TPD52L1: variants seen among roughly 807,000 people sequenced by gnomAD.
TPD52L1 encodes TPD52 like 1.
In TPD52L1, 18 loss-of-function variants were observed where a neutral mutation model predicts 28.7. The ratio of observed to expected loss-of-function variants is 0.63; its 90% CI spans 0.43 to 0.93. TPD52L1 has a LOEUF of 0.93. Among genes scored for constraint, TPD52L1 ranks in the 40% least tolerant of loss-of-function variants. TPD52L1 has a pLI of 0.00. For synonymous variants in TPD52L1, 75 were observed against 88.8 expected, an observed-to-expected ratio of 0.84 and a Z score of 0.88; for missense variants, 203 against 254.8, an observed-to-expected ratio of 0.80 and a Z score of 1.39.
intron 1 of TPD52L1, among the ~76,000 whole-genome samples, chr6:125,191,564 G>C (rs530801897): frequency 6.6e-6 from 1 of 152,328 alleles, no homozygotes; most frequent in South Asian, 2.1e-4. Context: ...CAGCATTGTA[G>C]ATGTGCAAGA....
At chr6:125,245,355 T>C (rs1208326207) in intron 3 of TPD52L1, among the ~76,000 whole-genome samples, 1 of 151,910 alleles carries the variant, frequency 6.6e-6, no homozygotes, top group Non-Finnish European at 1.5e-5. Flanking sequence ...AGCCAGGAGG[T>C]GGTGTTTTCA....
chr6:125,163,432 G>A lies in TPD52L1; in HGVS notation c.19+9462G>A, dbSNP rs193216809. ...CCCTGCTTCTACAAAAAATAAAGAA[G>A]TAAATTGGGCATGGTGATGCATGCA... On this transcript the variant is annotated intron_variant, in intron 1 of 6. Coordinates refer to ENST00000534000, the MANE Select transcript of TPD52L1 (RefSeq NM_003287.4). 1.9e-3 allele frequency among the ~76,000 whole-genome samples: 291 copies of A among 151,674 alleles called. 1 individual carries two copies. Among genetic ancestry groups the A allele is most frequent in the Non-Finnish European group, 3.6e-3 (242 of 67,874 alleles).
chr6:125,214,265 G>T (rs1260712793), intron 1 of TPD52L1, among the ~76,000 whole-genome samples: 1 of 152,134 alleles, frequency 6.6e-6, no homozygotes, highest in Non-Finnish European at 1.5e-5. Context: ...GGTAGAGGAG[G>T]GTAGAGAGTG....
At chr6:125,233,980 C>A (rs946627014) in intron 3 of TPD52L1, among the ~76,000 whole-genome samples, 7 of 152,138 alleles carry the variant, frequency 4.6e-5, no homozygotes, top group African/African-American at 1.4e-4. Flanking sequence ...CCTGTCCTTG[C>A]CAATAAATGC....
At chr6:125,162,714 G>C (rs146878178) in intron 1 of TPD52L1, among the ~76,000 whole-genome samples, 118 of 152,288 alleles carry the variant, frequency 7.7e-4, no homozygotes, top group African/African-American at 2.8e-3. Context: ...GCAAAGTGAA[G>C]ATAGTAATAG....
chr6:125,198,846 A>G (rs993193240), intron 1 of TPD52L1, among the ~76,000 whole-genome samples: 31 of 152,200 alleles, frequency 2.0e-4, no homozygotes, highest in African/African-American at 7.2e-4. Flanking sequence ...TAGTTGGCAG[A>G]GGCCAGATAT....
At chr6:125,171,767 G>C (rs907671666) in intron 1 of TPD52L1, among the ~76,000 whole-genome samples, 2 of 152,158 alleles carry the variant, frequency 1.3e-5, no homozygotes, top group African/African-American at 4.8e-5. Flanking sequence ...ATGAGACCCT[G>C]GGCAGAGGAC....
At chr6:125,206,034 C>T (rs1161728493) in intron 1 of TPD52L1, among the ~76,000 whole-genome samples, 2 of 152,160 alleles carry the variant, frequency 1.3e-5, no homozygotes, top group African/African-American at 2.4e-5. Flanking sequence ...TTAATGTGGT[C>T]GGCTACAACT....
intron 2 of TPD52L1, among the ~76,000 whole-genome samples, chr6:125,222,992 C>G (rs1358592105): frequency 2.0e-5 from 3 of 151,472 alleles, no homozygotes; most frequent in African/African-American, 7.3e-5. Context: ...TGTTTTCTGC[C>G]TGTGTAAATA....
At position 125,229,370 on chromosome 6, in the gene TPD52L1, T is replaced by C. The variant is rs572275035; in HGVS notation, c.284+104T>C. 4.8e-4 allele frequency: 567 copies of C among 1,171,784 alleles called. 3 individuals are homozygous for C. In the African/African-American group the frequency reaches 8.1e-3, roughly 17 times the overall value. 72.6% of individuals were successfully genotyped at this position (1,171,784 alleles called of 1,614,324 possible). ...ACAAGGCTGATTTGGTGCATGAAGC[T>C]AGGAAAAAAAAATACTTTCTCTAAA... On this transcript the variant is annotated intron_variant, in intron 3 of 6. Transcript: ENST00000534000.
chr6:125,178,380 T>C (rs1791949273), intron 1 of TPD52L1, among the ~76,000 whole-genome samples: 1 of 152,032 alleles, frequency 6.6e-6, no homozygotes, highest in East Asian at 1.9e-4. Flanking sequence ...CCCACCACTT[T>C]GGGAGGCTGA....
intron 1 of TPD52L1, chr6:125,208,964 T>C: frequency 2.6e-5 from 26 of 985,230 alleles, no homozygotes; most frequent in Non-Finnish European, 3.1e-5. Context: ...TGCTGAGCTG[T>C]TGAGGCAAGC....
chr6:125,226,886 A>G (rs550095996), intron 2 of TPD52L1, among the ~76,000 whole-genome samples: 2 of 152,206 alleles, frequency 1.3e-5, no homozygotes, highest in Non-Finnish European at 2.9e-5. Context: ...ATGACATGAT[A>G]ACAAAAGAAT....
At chr6:125,254,939 T>C (rs536185921) in intron 5 of TPD52L1, among the ~76,000 whole-genome samples, 4 of 152,358 alleles carry the variant, frequency 2.6e-5, no homozygotes, top group African/African-American at 9.6e-5. Flanking sequence ...ATGTGGTTAA[T>C]TGGTTGATTT....
At chr6:125,225,149 G>A (rs1381467758) in intron 2 of TPD52L1, among the ~76,000 whole-genome samples, 1 of 152,152 alleles carries the variant, frequency 6.6e-6, no homozygotes, top group Non-Finnish European at 1.5e-5. Context: ...TGTTTTTGAG[G>A]TTCATCCATG....
Position 125,229,100 on chromosome 6 carries a change from T to A in TPD52L1, c.136-18T>A, listed in dbSNP as rs764079414. ...CTGGTCTGACATTTTCCCCCACCAT[T>A]TCCCCTCCGCCTTGTAGCTAGAAGA... On this transcript the variant is annotated intron_variant, in intron 2 of 6. Coordinates refer to ENST00000534000, the MANE Select transcript of TPD52L1 (RefSeq NM_003287.4). 2.5e-6 allele frequency: 4 copies of A among 1,607,046 alleles called. No individual in the cohort carries two copies. The highest frequency in any genetic ancestry group is 3.4e-6 in the Non-Finnish European group (4 of 1,177,258).
chr6:125,251,153 ATTGT>A (rs990430353), intron 4 of TPD52L1, among the ~76,000 whole-genome samples: 16 of 152,192 alleles, frequency 1.1e-4, no homozygotes, highest in Admixed American at 4.6e-4. Context: ...GTAAGCTTTG[ATTGT>A]TTGTTCAAAA....
intron 6 of TPD52L1, among the ~76,000 whole-genome samples, chr6:125,258,364 A>G (rs1797728762): frequency 6.6e-6 from 1 of 152,190 alleles, no homozygotes; most frequent in Non-Finnish European, 1.5e-5. Context: ...GAGCCGTTAA[A>G]CAGCCCCATG....
At chr6:125,198,200 A>G (rs1435009890) in intron 1 of TPD52L1, among the ~76,000 whole-genome samples, 1 of 152,156 alleles carries the variant, frequency 6.6e-6, no homozygotes, top group Non-Finnish European at 1.5e-5. Flanking sequence ...TACAGCAGGA[A>G]CAACCCAAGA....
Sources: allele counts gnomAD v4.1 joint callset (sites outside exome capture counted in the v4.1 genomes callset), GRCh38; gene constraint gnomAD v4.1.1; transcripts MANE v1.5; gene names NCBI Gene and HGNC (gene_info 2026-07-23, HGNC 2026-07-21).